The following MYO10 variants were observed in gnomAD, a reference collection of about 807,000 sequenced individuals.
The protein encoded by MYO10 is unconventional myosin-X.
Under a neutral mutation model 257.3 loss-of-function variants are expected in MYO10, and 133 were observed. The observed-to-expected ratio is 0.52, with a 90% CI of 0.45 to 0.60. The LOEUF is 0.60. Among genes scored for constraint, MYO10 ranks in the 20% least tolerant of loss-of-function variants. The pLI, the probability that MYO10 is intolerant of heterozygous loss-of-function variation, is 0.00. For synonymous variants in MYO10, 1,104 were observed against 1,028.6 expected, an observed-to-expected ratio of 1.07 and a Z score of -1.40; for missense variants, 2,399 against 2,635.7, an observed-to-expected ratio of 0.91 and a Z score of 1.97.
chr5:16,819,010 T>C (rs539246719), intron 2 of MYO10, among the ~76,000 whole-genome samples: 1 of 152,308 alleles, frequency 6.6e-6, no homozygotes, highest in Admixed American at 6.5e-5. Flanking sequence ...ATTTAATTAT[T>C]AATTTAAGTA....
At chr5:16,721,980 T>C (rs867396454) in intron 19 of MYO10, among the ~76,000 whole-genome samples, 2 of 152,182 alleles carry the variant, frequency 1.3e-5, no homozygotes, top group African/African-American at 4.8e-5. Flanking sequence ...TACGCCCTTA[T>C]ACAAATCCTA....
chr5:16,754,912 T>C lies in MYO10; in HGVS notation c.1849-4A>G, dbSNP rs1450747188. On this transcript the variant is annotated splice_polypyrimidine_tract_variant and splice_region_variant and intron_variant, in intron 18 of 40. Coordinates refer to ENST00000513610, the MANE Select transcript of MYO10 (RefSeq NM_012334.3). ...CCATTAAGGAATGCAGTGAGTCCTATTAGAAAAAGTATATGTTGATTTAGT... is the reference window on the plus strand; with the variant it reads ...CCATTAAGGAATGCAGTGAGTCCTACTAGAAAAAGTATATGTTGATTTAGT... 1 of 1,563,894 alleles carries C rather than the reference T, an allele frequency of 6.4e-7. No individual in the cohort carries two copies. The highest frequency in any genetic ancestry group is 8.7e-7 in the Non-Finnish European group (1 of 1,146,376).
chr5:16,704,906 T>C (rs1738260074), intron 21 of MYO10, among the ~76,000 whole-genome samples: 1 of 152,180 alleles, frequency 6.6e-6, no homozygotes, highest in African/African-American at 2.4e-5. Flanking sequence ...AAAACAAAAA[T>C]GCTGCATACA....
At chr5:16,790,896 T>C (rs1342070514) in intron 4 of MYO10, among the ~76,000 whole-genome samples, 1 of 26,122 alleles carries the variant, frequency 3.8e-5, no homozygotes, top group Non-Finnish European at 1.4e-4. Flanking sequence ...GTTTTAAATT[T>C]ATATATATAT....
chr5:16,787,938 G>T (rs376160146), intron 4 of MYO10, among the ~76,000 whole-genome samples: 1 of 151,988 alleles, frequency 6.6e-6, no homozygotes, highest in African/African-American at 2.4e-5. Flanking sequence ...GATTACAGGC[G>T]CCTGCCACCA....
At position 16,685,762 on chromosome 5, in the gene MYO10, C is replaced by T; in HGVS notation, c.3966G>A (p.Glu1322=). Residue 1322 remains glutamate (E), a synonymous_variant, in exon 29 of 41, where the codon GAG becomes GAA. Coordinates refer to ENST00000513610, the MANE Select transcript of MYO10 (RefSeq NM_012334.3). ...CCACAGCATTCTGTGGGTTTGCCTG[C>T]TCATCATGCATCTCCTGGATCTCCT... is the stretch of plus-strand genomic sequence containing the variant. ...TDQEIQEMHD[E]QANPQNAVGT... The T allele has an allele frequency of 6.3e-7, 1 of 1,597,118 alleles. No homozygotes were observed. The highest frequency in any genetic ancestry group is 8.5e-7 in the Non-Finnish European group (1 of 1,172,556).
At chr5:16,776,439 C>A (rs1741214986) in intron 9 of MYO10, among the ~76,000 whole-genome samples, 1 of 152,048 alleles carries the variant, frequency 6.6e-6, no homozygotes, top group African/African-American at 2.4e-5. Flanking sequence ...ATTGATACAC[C>A]TGCTAGACTA....
intron 26 of MYO10, among the ~76,000 whole-genome samples, chr5:16,695,248 C>G (rs559291749): frequency 6.6e-6 from 1 of 152,108 alleles, no homozygotes; most frequent in Non-Finnish European, 1.5e-5. Context: ...GTAGGACAAT[C>G]GCTTGAATCC....
intron 25 of MYO10, 98 bp from the exon 26 acceptor site, chr5:16,699,671 CAG>C: frequency 2.0e-6 from 3 of 1,519,574 alleles, no homozygotes; most frequent in Non-Finnish European, 2.7e-6. Flanking sequence ...TACAAAAATA[CAG>C]CTACTCAAGA....
chr5:16,911,754 T>C (rs1462216076), intron 1 of MYO10, among the ~76,000 whole-genome samples: 2 of 151,836 alleles, frequency 1.3e-5, no homozygotes, highest in Non-Finnish European at 2.9e-5. Flanking sequence ...ACAACAAAAA[T>C]TGGCCAGCCG....
chr5:16,915,706 A>G (rs867647844), intron 1 of MYO10, among the ~76,000 whole-genome samples: 1 of 152,232 alleles, frequency 6.6e-6, no homozygotes, highest in Non-Finnish European at 1.5e-5. Context: ...CTACAATCCC[A>G]GCACTTTGGT....
chr5:16,768,758 T>C (rs1379017991), intron 10 of MYO10, among the ~76,000 whole-genome samples: 1 of 136,392 alleles, frequency 7.3e-6, no homozygotes, highest in Non-Finnish European at 1.5e-5. Flanking sequence ...CACTGCACCT[T>C]CAACCCGCAG....
At chr5:16,755,251 C>T (rs1031936459) in intron 18 of MYO10, among the ~76,000 whole-genome samples, 2 of 152,176 alleles carry the variant, frequency 1.3e-5, no homozygotes, top group Non-Finnish European at 2.9e-5. Context: ...CTGCAAGCTC[C>T]GCCTCCCGGG....
intron 3 of MYO10, among the ~76,000 whole-genome samples, chr5:16,804,238 C>CT (rs1742204750): frequency 6.6e-6 from 1 of 152,224 alleles, no homozygotes; most frequent in African/African-American, 2.4e-5. Flanking sequence ...GACCCACCCA[C>CT]TCCCTTCATC....
chr5:16,820,132 A>G (rs1248031419), intron 2 of MYO10, among the ~76,000 whole-genome samples: 1 of 152,276 alleles, frequency 6.6e-6, no homozygotes, highest in Non-Finnish European at 1.5e-5. Flanking sequence ...GCACAAGGAC[A>G]TTCAAGAGTG....
intron 38 of MYO10, 117 bp from the exon 39 acceptor site, chr5:16,671,095 C>T: frequency 9.9e-7 from 1 of 1,005,286 alleles, no homozygotes; most frequent in South Asian, 1.7e-5. Flanking sequence ...CCCTGACTGC[C>T]CTGGCTAAAA....
chr5:16,892,943 C>G (rs1164395084), intron 1 of MYO10, among the ~76,000 whole-genome samples: 1 of 152,070 alleles, frequency 6.6e-6, no homozygotes, highest in Non-Finnish European at 1.5e-5. Flanking sequence ...CACCTGTAAT[C>G]CCACCACTTT....
chr5:16,788,121 T>C (rs967369237), intron 4 of MYO10, among the ~76,000 whole-genome samples: 1 of 151,930 alleles, frequency 6.6e-6, no homozygotes, highest in African/African-American at 2.4e-5. Flanking sequence ...GCGTGGAGAA[T>C]GGACAGAAAG....
At position 16,664,763 on chromosome 5, in the gene MYO10, C is replaced by CACA; in HGVS notation, c.*1928_*1929insTGT. The CACA allele has an allele frequency of 6.6e-6, 1 of 152,158 alleles. No homozygotes were observed. The highest frequency in any genetic ancestry group is 1.5e-5 in the Non-Finnish European group (1 of 68,048). 9.4% of individuals were successfully genotyped at this position (152,158 alleles called of 1,614,324 possible). A position where few individuals can be genotyped will look rare whatever the true frequency, so the allele number is the denominator to read the frequency against. On this transcript the variant is annotated 3_prime_UTR_variant, in exon 41 of 41. Transcript: ENST00000513610. ...TGTCTGACATAAACACATTTCAAGTCCTCAGCTGTGTGTGACTTCATTTAC... is the reference window on the plus strand; with the variant it reads ...TGTCTGACATAAACACATTTCAAGTCACACTCAGCTGTGTGTGACTTCATTTAC...
Sources: gnomAD v4.1 joint callset for allele counts (sites outside exome capture counted in the v4.1 genomes callset) on GRCh38, gnomAD v4.1.1 for gene constraint, MANE v1.5 for transcripts, NCBI Gene and HGNC (gene_info 2026-07-23, HGNC 2026-07-21) for gene names.